Variants in ARHGAP24 observed in about 807,000 individuals in gnomAD.
ARHGAP24 encodes rho GTPase-activating protein 24.
Under a neutral mutation model 76.4 loss-of-function variants are expected in ARHGAP24, and 50 were observed. The observed-to-expected ratio is 0.65, with a 90% confidence interval of 0.52 to 0.83. ARHGAP24 has a LOEUF of 0.83. Among genes scored for constraint, ARHGAP24 ranks in the 40% least tolerant of loss-of-function variants. The pLI is 0.00. For synonymous variants in ARHGAP24, 345 were observed against 323.3 expected, an observed-to-expected ratio of 1.07 and a Z score of -0.72; for missense variants, 930 against 914.2, an observed-to-expected ratio of 1.02 and a Z score of -0.22.
chr4:85,931,192 T>A, intron 4 of ARHGAP24: 1 of 804,498 alleles, frequency 1.2e-6, no homozygotes, highest in Non-Finnish European at 1.9e-6. Context: ...CTTGCTTGTC[T>A]ATACTTATTT....
At chr4:85,600,325 G>A (rs1459628211) in intron 2 of ARHGAP24, among the ~76,000 whole-genome samples, 1 of 152,116 alleles carries the variant, frequency 6.6e-6, no homozygotes, top group African/African-American at 2.4e-5. Context: ...AGCATGTAAT[G>A]GAAAAACCTA....
chr4:85,959,204 G>A (rs760546802), intron 5 of ARHGAP24, among the ~76,000 whole-genome samples: 1 of 152,186 alleles, frequency 6.6e-6, no homozygotes, highest in Non-Finnish European at 1.5e-5. Context: ...ACCATATAGG[G>A]TAACTTCCTG....
chr4:85,827,652 T>G (rs1729788126), intron 3 of ARHGAP24: 1 of 209,406 alleles, frequency 4.8e-6, no homozygotes. Flanking sequence ...GCAAGGTGTC[T>G]GGAGTTTAGG....
At chr4:85,738,244 T>C (rs1490108740) in intron 3 of ARHGAP24, among the ~76,000 whole-genome samples, 1 of 152,130 alleles carries the variant, frequency 6.6e-6, no homozygotes, top group Non-Finnish European at 1.5e-5. Flanking sequence ...CTCATTGTGG[T>C]TTATTTGCAT....
chr4:85,856,477 T>TTC (rs1176795031), intron 3 of ARHGAP24, among the ~76,000 whole-genome samples: 1 of 150,050 alleles, frequency 6.7e-6, no homozygotes, highest in East Asian at 1.9e-4. Context: ...TACTCTTTTT[T>TTC]TTTTTTTTTT....
At chr4:85,913,509 G>A (rs1735200739) in intron 3 of ARHGAP24, among the ~76,000 whole-genome samples, 1 of 151,886 alleles carries the variant, frequency 6.6e-6, no homozygotes, top group Non-Finnish European at 1.5e-5. Context: ...CATAGCTACA[G>A]TATTACCTGG....
chr4:85,768,709 A>G (rs11933664), intron 3 of ARHGAP24, among the ~76,000 whole-genome samples: 136,139 of 151,984 alleles, frequency 0.9, 62,912 homozygotes, highest in East Asian at 1. Flanking sequence ...CCCAGGAGGC[A>G]GAGGTTGCAG....
At chr4:85,605,824 G>A (rs1720175221) in intron 2 of ARHGAP24, among the ~76,000 whole-genome samples, 1 of 152,154 alleles carries the variant, frequency 6.6e-6, no homozygotes, top group Non-Finnish European at 1.5e-5. Flanking sequence ...CAAAGAATAT[G>A]TGTTGTTTAG....
intron 2 of ARHGAP24, among the ~76,000 whole-genome samples, chr4:85,678,212 T>TA (rs1052397411): frequency 2.2e-4 from 33 of 151,838 alleles, no homozygotes; most frequent in Admixed American, 5.9e-4. Context: ...CTACAAAAAG[T>TA]AAAAAAATTA....
At chr4:85,660,812 A>AAG (rs1327802422) in intron 2 of ARHGAP24, among the ~76,000 whole-genome samples, 1 of 150,684 alleles carries the variant, frequency 6.6e-6, no homozygotes, top group African/African-American at 2.4e-5. Flanking sequence ...AAAAAAAAAA[A>AAG]AAAAATCTGT....
At position 85,853,630 on chromosome 4, in the gene ARHGAP24, T is replaced by C. The variant is rs150812378; in HGVS notation, c.269-70018T>C. ...TTGGAACGGACCTAAATGAATAGTA[T>C]TAAAAGAAAAACCTGGCCGAGCACA... is the stretch of plus-strand genomic sequence containing the variant. On this transcript the variant is annotated intron_variant, in intron 3 of 9. Transcript: ENST00000395184. 5.5e-4 allele frequency among the ~76,000 whole-genome samples: 84 copies of C among 152,164 alleles called. 1 individual carries two copies. In the East Asian group the frequency reaches 0.015, roughly 28 times the overall value.
intron 3 of ARHGAP24, among the ~76,000 whole-genome samples, chr4:85,789,106 T>G (rs1727995525): frequency 6.6e-6 from 1 of 151,940 alleles, no homozygotes; most frequent in Non-Finnish European, 1.5e-5. Flanking sequence ...ATTAGAATGT[T>G]GGAACTTTCA....
chr4:85,598,608 G>T (rs1719921817), intron 2 of ARHGAP24, among the ~76,000 whole-genome samples: 1 of 151,950 alleles, frequency 6.6e-6, no homozygotes, highest in African/African-American at 2.4e-5. Context: ...GATCAATAAA[G>T]GAATTGAATA....
intron 3 of ARHGAP24, among the ~76,000 whole-genome samples, chr4:85,735,643 G>A (rs183723592): frequency 1.2e-3 from 176 of 151,938 alleles, no homozygotes; most frequent in Non-Finnish European, 1.8e-3. Flanking sequence ...CCCTTACCTC[G>A]TCATGTCAGA....
chr4:85,727,970 G>T (rs1262632250), intron 3 of ARHGAP24, among the ~76,000 whole-genome samples: 1 of 151,230 alleles, frequency 6.6e-6, no homozygotes, highest in East Asian at 1.9e-4. Flanking sequence ...AATTTTGAAG[G>T]ATAATCTAAA....
chr4:85,553,920 T>G (rs1026395471), intron 1 of ARHGAP24, among the ~76,000 whole-genome samples: 1 of 152,196 alleles, frequency 6.6e-6, no homozygotes, highest in African/African-American at 2.4e-5. Context: ...AGTGGTCAGT[T>G]TACTTAAGTG....
At chr4:85,857,854 G>A (rs928099350) in intron 3 of ARHGAP24, among the ~76,000 whole-genome samples, 1 of 152,040 alleles carries the variant, frequency 6.6e-6, no homozygotes, top group Non-Finnish European at 1.5e-5. Context: ...CATGCCTCTG[G>A]GTTCCTGCTT....
intron 3 of ARHGAP24, among the ~76,000 whole-genome samples, chr4:85,895,402 A>G (rs915539791): frequency 2.6e-5 from 4 of 152,170 alleles, no homozygotes; most frequent in African/African-American, 9.7e-5. Flanking sequence ...AAAGTCATTT[A>G]TCCCAAAGTA....
At chr4:85,844,983 T>A (rs1375764661) in intron 3 of ARHGAP24, among the ~76,000 whole-genome samples, 1 of 152,230 alleles carries the variant, frequency 6.6e-6, no homozygotes, top group Admixed American at 6.5e-5. Context: ...CAGAGAGATA[T>A]CATTGACCGA....
Sources: gnomAD v4.1 joint callset for allele counts (sites outside exome capture counted in the v4.1 genomes callset) on GRCh38, gnomAD v4.1.1 for gene constraint, MANE v1.5 for transcripts, NCBI Gene and HGNC (gene_info 2026-07-23, HGNC 2026-07-21) for gene names.